Variants in SDK1 observed in about 807,000 individuals in gnomAD.
The protein encoded by SDK1 is protein sidekick-1.
Under a neutral mutation model 245.5 loss-of-function variants are expected in SDK1, and 157 were observed. The observed-to-expected ratio is 0.64, with a 90% CI of 0.56 to 0.73. The LOEUF is 0.73. Among genes scored for constraint, SDK1 ranks in the 30% least tolerant of loss-of-function variants. The pLI is 0.00. For missense variants in SDK1, 3,583 were observed against 3,002.3 expected, an observed-to-expected ratio of 1.19 and a Z score of -4.52; for synonymous variants, 1,647 against 1,278.5, an observed-to-expected ratio of 1.29 and a Z score of -6.15.
chr7:3,831,081 A>C (rs1228014928), intron 5 of SDK1, among the ~76,000 whole-genome samples: 1 of 152,200 alleles, frequency 6.6e-6, no homozygotes, highest in Non-Finnish European at 1.5e-5. Context: ...GAGGGCACAA[A>C]CAAGGGGGAT....
intron 4 of SDK1, among the ~76,000 whole-genome samples, chr7:3,818,437 A>G (rs1439436936): frequency 6.6e-6 from 1 of 152,210 alleles, no homozygotes; most frequent in Non-Finnish European, 1.5e-5. Flanking sequence ...ACTGGAAAAT[A>G]TTTTAAAAGG....
At chr7:3,858,866 C>A (rs1052862217) in intron 5 of SDK1, among the ~76,000 whole-genome samples, 10 of 131,372 alleles carry the variant, frequency 7.6e-5, no homozygotes, top group African/African-American at 2.1e-4. Flanking sequence ...TTTCTTTTTT[C>A]TTTTTTTTTT....
chr7:4,021,262 A>C (rs1286104667), intron 17 of SDK1, among the ~76,000 whole-genome samples: 1 of 152,090 alleles, frequency 6.6e-6, no homozygotes, highest in Admixed American at 6.6e-5. Context: ...ATGCACGGTC[A>C]CCCCTCATCT....
chr7:3,799,203 C>T (rs935111036), intron 4 of SDK1, among the ~76,000 whole-genome samples: 2 of 151,926 alleles, frequency 1.3e-5, no homozygotes, highest in African/African-American at 2.4e-5. Context: ...ACTTATTTTT[C>T]GTTTTCAGGA....
At chr7:3,551,916 CATT>C (rs901338154) in intron 1 of SDK1, among the ~76,000 whole-genome samples, 5 of 152,182 alleles carry the variant, frequency 3.3e-5, no homozygotes, top group African/African-American at 7.2e-5. Context: ...TTGTGAATCA[CATT>C]ATCAAGCTTT....
At position 3,828,649 on chromosome 7, in the gene SDK1, C is replaced by CTT. The variant is rs1170806116; in HGVS notation, c.847+7081_847+7082dup. On this transcript the variant is annotated intron_variant, in intron 5 of 44. Coordinates refer to ENST00000404826, the MANE Select transcript of SDK1 (RefSeq NM_152744.4). ...AACATTTTTTTAAGAATTTTTTGTT[C>CTT]TTTTTTTTTTTTTTTTGTTTTTTTG... 1.4e-3 allele frequency among the ~76,000 whole-genome samples: 41 copies of CTT among 28,694 alleles called. 1 individual carries two copies. The highest frequency in any genetic ancestry group is 2.0e-3 in the Admixed American group (4 of 1,956). 18.8% of individuals were successfully genotyped at this position (28,694 alleles called of 152,430 possible).
At chr7:3,816,654 T>A (rs1353976083) in intron 4 of SDK1, among the ~76,000 whole-genome samples, 1 of 152,140 alleles carries the variant, frequency 6.6e-6, no homozygotes, top group African/African-American at 2.4e-5. Flanking sequence ...CACAGCCGAA[T>A]TCTACCAGAG....
chr7:4,034,737 A>G (rs2128159851), intron 17 of SDK1, among the ~76,000 whole-genome samples: 1 of 152,166 alleles, frequency 6.6e-6, no homozygotes, highest in East Asian at 1.9e-4. Flanking sequence ...TCGCTGCAAC[A>G]CCACTTGTTA....
intron 14 of SDK1, among the ~76,000 whole-genome samples, chr7:3,998,951 G>A (rs1486980435): frequency 6.6e-6 from 1 of 152,164 alleles, no homozygotes; most frequent in Non-Finnish European, 1.5e-5. Flanking sequence ...TCTAACTGAA[G>A]TACCTCAGTC....
intron 1 of SDK1, among the ~76,000 whole-genome samples, chr7:3,578,384 C>T (rs1049985876): frequency 2.6e-5 from 4 of 152,026 alleles, no homozygotes; most frequent in African/African-American, 9.7e-5. Context: ...GGAAACAGGA[C>T]AAGGCAAAAC....
chr7:3,797,315 C>G lies in SDK1; in HGVS notation c.714-24135C>G, dbSNP rs540970145. Reference sequence around the variant, plus strand: ...ACCTTTTAAAAAGGTTCATCTTTTCCTGTTTTCCCTTTTCGCTTCTTTCAC... The same window carrying G: ...ACCTTTTAAAAAGGTTCATCTTTTCGTGTTTTCCCTTTTCGCTTCTTTCAC... On this transcript the variant is annotated intron_variant, in intron 4 of 44. Coordinates refer to ENST00000404826, the MANE Select transcript of SDK1 (RefSeq NM_152744.4). Among the ~76,000 whole-genome samples the G allele has an allele frequency of 3.3e-5, 5 of 151,798 alleles. No individual in the cohort carries two copies. In the East Asian group the frequency reaches 9.7e-4, roughly 30 times the overall value.
At chr7:3,349,649 C>G (rs4722715) in intron 1 of SDK1, among the ~76,000 whole-genome samples, 58,293 of 151,846 alleles carry the variant, frequency 0.38, 11,398 homozygotes, top group African/African-American at 0.46. Context: ...GCCCAGGCTG[C>G]AGTGCAGTGG....
intron 1 of SDK1, among the ~76,000 whole-genome samples, chr7:3,594,823 C>T (rs1303093253): frequency 2.0e-5 from 3 of 152,184 alleles, no homozygotes; most frequent in East Asian, 1.9e-4. Flanking sequence ...ATTAGAGGGG[C>T]AAGAGTGAGG....
At position 3,968,029 on chromosome 7, in the gene SDK1, G is replaced by A. The variant is rs116789169; in HGVS notation, c.1546+595G>A. Among the ~76,000 whole-genome samples the A allele has an allele frequency of 4.5e-3, 679 of 152,364 alleles. 5 individuals carry two copies. The highest frequency in any genetic ancestry group is 0.016 in the African/African-American group (647 of 41,580). On this transcript the variant is annotated intron_variant, in intron 10 of 44. Transcript: ENST00000404826. ...CACTCTTCTCTATCCACGCCCTTCA[G>A]AGAGTGCCTCAGGCCTCCTCGGGCC...
chr7:3,794,739 C>G (rs761758687), intron 4 of SDK1, among the ~76,000 whole-genome samples: 12 of 152,152 alleles, frequency 7.9e-5, no homozygotes, highest in Non-Finnish European at 1.5e-4. Context: ...CATTCACTTT[C>G]TGTATAGATC....
chr7:4,035,716 CTTGGATAAACACATGATT>C (rs1788160214), intron 17 of SDK1, among the ~76,000 whole-genome samples: 1 of 152,152 alleles, frequency 6.6e-6, no homozygotes, highest in Non-Finnish European at 1.5e-5. Context: ...TAGCAAGTTT[CTTGGATAAACACATGATT>C]GCAGGTCAGA....
At chr7:4,222,690 A>C (rs1309580576) in intron 40 of SDK1, among the ~76,000 whole-genome samples, 1 of 152,206 alleles carries the variant, frequency 6.6e-6, no homozygotes, top group African/African-American at 2.4e-5. Context: ...TCAGAAATCC[A>C]GACGTGCTCG....
At chr7:3,389,676 A>C (rs757895087) in intron 1 of SDK1, among the ~76,000 whole-genome samples, 5 of 152,164 alleles carry the variant, frequency 3.3e-5, no homozygotes, top group Non-Finnish European at 7.4e-5. Context: ...GAGGCAGGGG[A>C]ATTGCTTGAG....
At chr7:3,851,979 C>G (rs1780430091) in intron 5 of SDK1, among the ~76,000 whole-genome samples, 1 of 152,144 alleles carries the variant, frequency 6.6e-6, no homozygotes, top group Non-Finnish European at 1.5e-5. Flanking sequence ...TTTAATGCCG[C>G]TGGTGCACTG....
Sources: gnomAD v4.1 joint callset for allele counts (sites outside exome capture counted in the v4.1 genomes callset) on GRCh38, gnomAD v4.1.1 for gene constraint, MANE v1.5 for transcripts, NCBI Gene and HGNC (gene_info 2026-07-23, HGNC 2026-07-21) for gene names.